Variants in ZMIZ1 observed in about 807,000 individuals in gnomAD.
ZMIZ1 encodes zinc finger MIZ domain-containing protein 1.
ZMIZ1 carries 17 observed loss-of-function variants against 113.9 expected under a neutral mutation model. That is an observed-to-expected ratio of 0.15 (90% CI 0.10 to 0.22). The LOEUF is 0.22. Ranked by LOEUF, ZMIZ1 falls within the 10% of genes least tolerant of loss-of-function variation. ZMIZ1 has a pLI of 1.00. For missense variants in ZMIZ1, 1,059 were observed against 1,477.8 expected, an observed-to-expected ratio of 0.72 and a Z score of 4.65; for synonymous variants, 607 against 603.1, an observed-to-expected ratio of 1.01 and a Z score of -0.09.
chr10:79,153,035 G>A (rs1045020288), intron 3 of ZMIZ1, among the ~76,000 whole-genome samples: 5 of 152,244 alleles, frequency 3.3e-5, no homozygotes, highest in African/African-American at 1.2e-4. Flanking sequence ...TGACTCCCCT[G>A]AGAATCTCAC....
intron 1 of ZMIZ1, among the ~76,000 whole-genome samples, chr10:79,114,326 C>T (rs181326343): frequency 2.0e-5 from 3 of 152,206 alleles, no homozygotes; most frequent in Admixed American, 6.5e-5. Flanking sequence ...TCGCCGTCTC[C>T]GGTTTAGCGG....
At position 79,209,658 on chromosome 10, in the gene ZMIZ1, G is replaced by A. The variant is rs144685863; in HGVS notation, c.174+1209G>A. ...CTTGGCCTGGAGAGGAAGAAATAGC[G>A]GCAACACGGCTATCGTGACAAAGCA... On this transcript the variant is annotated intron_variant, in intron 6 of 24. Coordinates refer to ENST00000334512, the MANE Select transcript of ZMIZ1 (RefSeq NM_020338.4). 8.9e-4 allele frequency among the ~76,000 whole-genome samples: 136 copies of A among 152,356 alleles called. No homozygotes were observed. The Middle Eastern group carries it at 0.01, about 11-fold the overall frequency.
Position 79,298,541 on chromosome 10 carries a change from G to C in ZMIZ1, c.1627G>C (p.Asp543His). The C allele has an allele frequency of 6.2e-7, 1 of 1,601,640 alleles. No individual in the cohort carries two copies. Reference protein sequence around the residue: ...SQDVKPPFPPDIKPNMSALPP... With the variant: ...SQDVKPPFPPHIKPNMSALPP... ...AGACGTCAAACCACCCTTCCCGCCT[G>C]ACATCAAGCCAAATATGAGCGCTCT... The change falls in exon 15 of 25, where the codon GAC becomes CAC. Residue 543 changes from aspartate (D) to histidine (H), a missense_variant. By Grantham distance (81) the Asp-to-His change is moderately conservative. Around this residue, in one of 6 missense-constraint regions of ZMIZ1, gnomAD observed 239 missense variants for 247.5 expected, o/e 0.97. Transcript: ENST00000334512.
intron 2 of ZMIZ1, among the ~76,000 whole-genome samples, chr10:79,125,990 C>A (rs905809143): frequency 6.6e-6 from 1 of 152,148 alleles, no homozygotes; most frequent in Non-Finnish European, 1.5e-5. Flanking sequence ...CAGGACTGAC[C>A]CTGAAGGGCC....
intron 3 of ZMIZ1, among the ~76,000 whole-genome samples, chr10:79,145,347 C>CCGCGCGACAGAGCG (rs55933065): frequency 6.6e-6 from 1 of 152,094 alleles, no homozygotes; most frequent in Non-Finnish European, 1.5e-5. Flanking sequence ...TCCGGAGTGC[C>CCGCGCGACAGAGCG]TGCGAGGTGT....
At position 79,105,338 on chromosome 10, in the gene ZMIZ1, C is replaced by T. The variant is rs114130986; in HGVS notation, c.-336-13577C>T. ...TAGGCAAGAGACCAGGGTCGGAAGC[C>T]GGGCTTGGCCACTGACTGCTGTGTG... On this transcript the variant is annotated intron_variant, in intron 1 of 24. Coordinates refer to ENST00000334512, the MANE Select transcript of ZMIZ1 (RefSeq NM_020338.4). Among the ~76,000 whole-genome samples, 822 of 152,302 alleles carry T rather than the reference C, an allele frequency of 5.4e-3. 3 individuals carry two copies. Among genetic ancestry groups the T allele is most frequent in the African/African-American group, 0.019 (781 of 41,552 alleles).
intron 7 of ZMIZ1, among the ~76,000 whole-genome samples, chr10:79,262,687 C>T (rs17475460): frequency 0.045 from 6,792 of 152,310 alleles, 287 homozygotes; most frequent in South Asian, 0.073. Flanking sequence ...TTGTCTTGAA[C>T]GGCGTGTGCT....
chr10:79,141,990 C>T (rs1845292729), intron 3 of ZMIZ1, among the ~76,000 whole-genome samples: 1 of 152,112 alleles, frequency 6.6e-6, no homozygotes, highest in Non-Finnish European at 1.5e-5. Context: ...CCATCAAAGG[C>T]TGAATATATT....
chr10:79,308,259 G>A (rs1054708161), intron 23 of ZMIZ1, among the ~76,000 whole-genome samples: 5 of 152,218 alleles, frequency 3.3e-5, no homozygotes, highest in African/African-American at 7.2e-5. Context: ...TGTGCTCTGC[G>A]CAGGCCATGT....
chr10:79,172,961 G>A (rs1846667755), intron 4 of ZMIZ1, among the ~76,000 whole-genome samples: 1 of 152,224 alleles, frequency 6.6e-6, no homozygotes, highest in African/African-American at 2.4e-5. Context: ...GGTAGTGACT[G>A]TGGGGCCAGC....
chr10:79,179,132 T>G (rs935214905), intron 4 of ZMIZ1, among the ~76,000 whole-genome samples: 17 of 152,232 alleles, frequency 1.1e-4, no homozygotes, highest in Admixed American at 1.0e-3. Flanking sequence ...TGCTAGCACA[T>G]AAAACACTTA....
intron 3 of ZMIZ1, among the ~76,000 whole-genome samples, chr10:79,141,041 T>A (rs1845238029): frequency 6.6e-6 from 1 of 152,006 alleles, no homozygotes; most frequent in Non-Finnish European, 1.5e-5. Flanking sequence ...TGAGAGGGTG[T>A]GGTGTGCAAT....
chr10:79,152,188 A>G (rs1845741406), intron 3 of ZMIZ1, among the ~76,000 whole-genome samples: 1 of 152,200 alleles, frequency 6.6e-6, no homozygotes, highest in South Asian at 2.1e-4. Context: ...GCCCCAGATG[A>G]GATCCGAGGC....
rs576835115 is a variant in ZMIZ1, at chr10:79,276,343, G to C, written c.281-838G>C. Among the ~76,000 whole-genome samples, 615 of 152,338 alleles carry C rather than the reference G, an allele frequency of 4.0e-3. 17 individuals carry two copies. The highest frequency in any genetic ancestry group is 1.5e-3 in the East Asian group (8 of 5,184). Reference sequence around the variant, plus strand: ...AGCCCAGGCTGAGACACGCTGGCCTGGGAGGCGCTTTTGGCTCCTGTGGCC... The same window carrying C: ...AGCCCAGGCTGAGACACGCTGGCCTCGGAGGCGCTTTTGGCTCCTGTGGCC... On this transcript the variant is annotated intron_variant, in intron 7 of 24. Transcript: ENST00000334512.
chr10:79,090,265 G>A (rs1842946651), intron 1 of ZMIZ1, among the ~76,000 whole-genome samples: 1 of 152,242 alleles, frequency 6.6e-6, no homozygotes, highest in African/African-American at 2.4e-5. Context: ...TGAGCAGTGG[G>A]GAGGGAAGTT....
chr10:79,174,810 G>A (rs986800574), intron 4 of ZMIZ1, among the ~76,000 whole-genome samples: 2 of 152,188 alleles, frequency 1.3e-5, no homozygotes, highest in East Asian at 1.9e-4. Flanking sequence ...TGGGGGATCC[G>A]AGGGTCCAAC....
At chr10:79,103,499 T>G (rs957094551) in intron 1 of ZMIZ1, among the ~76,000 whole-genome samples, 1 of 151,036 alleles carries the variant, frequency 6.6e-6, no homozygotes, top group African/African-American at 2.4e-5. Context: ...CCAGGATGGT[T>G]CCTTGACTTT....
rs1446627616 is a variant in ZMIZ1, at chr10:79,162,140, G to A, written c.-50+7G>A. On this transcript the variant is annotated splice_region_variant and intron_variant, in intron 4 of 24. Transcript: ENST00000334512. ...TGGTTTGCAGATCACTGAGGTAGGT[G>A]TGCCACGGGGCTGGCGGGAGGTGGC... The A allele has an allele frequency of 7.5e-6, 3 of 399,422 alleles. No individual in the cohort carries two copies. The highest frequency in any genetic ancestry group is 1.3e-5 in the Non-Finnish European group (3 of 226,404). The allele number at this position is 399,422 out of a possible 1,614,324, so 24.7% of individuals were successfully genotyped here.
chr10:79,313,020 C>T lies in ZMIZ1; in HGVS notation c.*271C>T. The stretch of plus-strand genomic sequence containing the variant: ...TGCCCAGCGCAGGCCTGAAGACCAC[C>T]CTCCCGAGAGGAACCAGCCCGGTAA... On this transcript the variant is annotated 3_prime_UTR_variant, in exon 25 of 25. Transcript: ENST00000334512. The T allele has an allele frequency of 2.1e-6, 1 of 480,408 alleles. No homozygotes were observed. The highest frequency in any genetic ancestry group is 3.7e-6 in the Non-Finnish European group (1 of 267,870). The allele number at this position is 480,408 out of a possible 1,614,324, so 29.8% of individuals were successfully genotyped here. A position where few individuals can be genotyped will look rare whatever the true frequency, so the allele number is the denominator to read the frequency against.
Sources: allele counts gnomAD v4.1 joint callset (sites outside exome capture counted in the v4.1 genomes callset), GRCh38; gene constraint gnomAD v4.1.1; regional missense constraint gnomAD v4.1.1; transcripts MANE v1.5; gene names NCBI Gene and HGNC (gene_info 2026-07-23, HGNC 2026-07-21).